EFEMP1: variants seen among roughly 807,000 people sequenced by gnomAD.
EFEMP1 encodes EGF-containing fibulin-like extracellular matrix protein 1.
Under a neutral mutation model 65.7 loss-of-function variants are expected in EFEMP1, and 18 were observed. That is an observed-to-expected ratio of 0.27 (90% CI 0.19 to 0.41). EFEMP1 has a LOEUF of 0.41. EFEMP1 is among the 10% of genes least tolerant of loss of function. EFEMP1 has a pLI of 1.00. For synonymous variants in EFEMP1, 237 were observed against 219.7 expected (o/e 1.08, Z -0.70); for missense variants, 469 against 624.8 (o/e 0.75, Z 2.66).
rs977875822 is a variant in EFEMP1 at position 55,920,337 on chromosome 2, T to C, written c.81+2023A>G. On this transcript the variant is annotated intron_variant, in intron 3 of 11. Transcript: ENST00000355426. The stretch of plus-strand genomic sequence containing the variant: ...ATAATCTGTATAATAGTATCATTTG[T>C]CCTTGCTTAGGAACTTTGTAGTTTT... Among the ~76,000 whole-genome samples the C allele has an allele frequency of 5.3e-5, 8 of 152,268 alleles. No individual in the cohort carries two copies. The East Asian group carries it at 7.7e-4, about 15-fold the overall frequency.
chr2:55,872,395 T>C (rs1668844293), intron 9 of EFEMP1, among the ~76,000 whole-genome samples: 1 of 152,142 alleles, frequency 6.6e-6, no homozygotes, highest in African/African-American at 2.4e-5. Flanking sequence ...TCTATTAGCT[T>C]GTAAACTCCT....
intron 5 of EFEMP1, among the ~76,000 whole-genome samples, chr2:55,915,398 C>T (rs55738646): frequency 0.013 from 1,998 of 152,232 alleles, 42 homozygotes; most frequent in African/African-American, 0.045. Context: ...CTATGTGAAA[C>T]GTAACTTACT....
At position 55,917,761 on chromosome 2, in the gene EFEMP1, G is replaced by T. The variant is rs1469975581; in HGVS notation, c.421C>A (p.Arg141=). The change falls in exon 5 of 12, where the codon CGG becomes AGG. Residue 141 remains arginine, a synonymous_variant. Coordinates refer to ENST00000355426, the MANE Select transcript of EFEMP1 (RefSeq NM_001039348.3). This position sits in a 1 kb window ranked among gnomAD's most constrained non-coding sequence, Gnocchi z 6.3. ...QTGRNNFVIR[R]NPADPQRIPS... ...ATGCGCTGAGGGTCAGCTGGGTTCC[G>T]CCGGATGACAAAGTTATTTCGGCCA... 6.2e-7 allele frequency: 1 copy of T among 1,614,036 alleles called. No individual in the cohort carries two copies. The highest frequency in any genetic ancestry group is 8.5e-7 in the Non-Finnish European group (1 of 1,180,020).
chr2:55,900,893 C>A (rs1670007189), intron 5 of EFEMP1, among the ~76,000 whole-genome samples: 1 of 152,174 alleles, frequency 6.6e-6, no homozygotes, highest in African/African-American at 2.4e-5. Flanking sequence ...AAGCCACTAT[C>A]CTGCCTCTTA....
chr2:55,910,734 T>C (rs1670451464), intron 5 of EFEMP1, among the ~76,000 whole-genome samples: 1 of 152,206 alleles, frequency 6.6e-6, no homozygotes, highest in Non-Finnish European at 1.5e-5. Context: ...GGGAAGTAAA[T>C]TTCTTATAAA....
At chr2:55,887,441 G>A (rs1041640426) in intron 5 of EFEMP1, among the ~76,000 whole-genome samples, 4 of 152,050 alleles carry the variant, frequency 2.6e-5, no homozygotes, top group African/African-American at 2.4e-5. Context: ...TCCCTCCCCA[G>A]TTTTTAGCCA....
chr2:55,872,118 A>G (rs1190408841), intron 9 of EFEMP1, among the ~76,000 whole-genome samples: 3 of 152,142 alleles, frequency 2.0e-5, no homozygotes, highest in Admixed American at 6.6e-5. Flanking sequence ...CTACATCTCT[A>G]TGTCTGTCTC....
chr2:55,910,310 A>C (rs1670435284), intron 5 of EFEMP1, among the ~76,000 whole-genome samples: 1 of 152,146 alleles, frequency 6.6e-6, no homozygotes, highest in African/African-American at 2.4e-5. Flanking sequence ...TTTGAAATGC[A>C]GTTTTCTTGA....
At chr2:55,891,924 C>G (rs1669640581) in intron 5 of EFEMP1, among the ~76,000 whole-genome samples, 1 of 152,018 alleles carries the variant, frequency 6.6e-6, no homozygotes, top group Admixed American at 6.6e-5. Context: ...CCAAGTTATC[C>G]ATAAATTATC....
intron 5 of EFEMP1, among the ~76,000 whole-genome samples, chr2:55,901,722 A>G (rs13406763): frequency 0.018 from 2,737 of 152,308 alleles, 84 homozygotes; most frequent in African/African-American, 0.062. Context: ...ATGGCTCTCA[A>G]TGATGCCAAC....
chr2:55,918,288 G>A (rs888858144), intron 3 of EFEMP1, 21 bp from the exon 4 acceptor site: 5 of 1,614,128 alleles, frequency 3.1e-6, no homozygotes, highest in East Asian at 4.5e-5. Context: ...AACATCAAAG[G>A]TGGGGCCAGG....
chr2:55,892,869 T>TA (rs1425093301), intron 5 of EFEMP1, among the ~76,000 whole-genome samples: 1 of 152,150 alleles, frequency 6.6e-6, no homozygotes, highest in African/African-American at 2.4e-5. Context: ...TTAGATCTGT[T>TA]ATATATACTT....
At position 55,922,893 on chromosome 2, in the gene EFEMP1, A is replaced by C; in HGVS notation, c.-8+6T>G. The C allele has an allele frequency of 1.8e-6, 2 of 1,114,612 alleles. No individual in the cohort carries two copies. The allele number at this position is 1,114,612 out of a possible 1,614,324, so 69.0% of individuals were successfully genotyped here. A position where few individuals can be genotyped will look rare whatever the true frequency, so the allele number is the denominator to read the frequency against. On this transcript the variant is annotated splice_donor_region_variant and intron_variant, in intron 2 of 11. Transcript: ENST00000355426. This position sits in a 1 kb window ranked among gnomAD's most constrained non-coding sequence, Gnocchi z 5.5. ...TAGAACGTTAAGGCTTTCCCAGTATACTCACCTTGAGCTAGCAGAGTTCCT... is the reference window on the plus strand; with the variant it reads ...TAGAACGTTAAGGCTTTCCCAGTATCCTCACCTTGAGCTAGCAGAGTTCCT...
intron 5 of EFEMP1, among the ~76,000 whole-genome samples, chr2:55,902,988 A>G (rs1670101436): frequency 6.6e-6 from 1 of 152,192 alleles, no homozygotes; most frequent in African/African-American, 2.4e-5. Context: ...TTTGTAAATA[A>G]TTTCAAGTAA....
In EFEMP1 at chr2:55,870,899, C is replaced by T. The variant is rs1419723426; in HGVS notation, c.1141G>A (p.Val381Ile). 6.8e-6 allele frequency: 11 copies of T among 1,613,746 alleles called. No individual in the cohort carries two copies. Among genetic ancestry groups the T allele is most frequent in the Admixed American group, 1.7e-5 (1 of 59,890 alleles). Residue 381 changes from valine (V) to isoleucine (I), a missense_variant, in exon 11 of 12, where the codon GTC (valine) becomes ATC (isoleucine). Physicochemically the swap from Val to Ile is conservative, Grantham distance 29. Transcript: ENST00000355426. This position sits in a 1 kb window ranked among gnomAD's most constrained non-coding sequence, Gnocchi z 5.8. ...LTPENRCVCP[V>I]SNAMCRELPQ... is the part of the protein sequence containing the mutation. ...AGTTCTCGGCACATGGCATTTGAGACTGGGCAAACACATCGGCTGCAGAGA... is the reference window on the plus strand; with the variant it reads ...AGTTCTCGGCACATGGCATTTGAGATTGGGCAAACACATCGGCTGCAGAGA...
At position 55,922,823 on chromosome 2, in the gene EFEMP1, C is replaced by T; in HGVS notation, c.-8+76G>A. ...GACGGTGCATTTCCTGCCCCCCAGT[C>T]CCACACCCCGGGGGATGGAGGTGGG... On this transcript the variant is annotated intron_variant, in intron 2 of 11. Transcript: ENST00000355426. The surrounding 1 kb of genome is among the most constrained non-coding windows in gnomAD (Gnocchi z 5.5). 9.1e-6 allele frequency: 10 copies of T among 1,104,432 alleles called. No homozygotes were observed. The highest frequency in any genetic ancestry group is 1.1e-5 in the Non-Finnish European group (10 of 872,362). 68.4% of individuals were successfully genotyped at this position (1,104,432 alleles called of 1,614,324 possible). A position where few individuals can be genotyped will look rare whatever the true frequency, so the allele number is the denominator to read the frequency against.
chr2:55,872,518 A>C (rs1396689023), intron 9 of EFEMP1, among the ~76,000 whole-genome samples: 1 of 152,136 alleles, frequency 6.6e-6, no homozygotes, highest in African/African-American at 2.4e-5. Flanking sequence ...CTCTTCACAC[A>C]AACTGTGTGG....
chr2:55,923,572 C>T lies in EFEMP1; in HGVS notation c.-49+139G>A. 1 of 983,494 alleles carries T rather than the reference C, an allele frequency of 1.0e-6. No homozygotes were observed. Among genetic ancestry groups the T allele is most frequent in the Non-Finnish European group, 1.2e-6 (1 of 828,068 alleles). 60.9% of individuals were successfully genotyped at this position (983,494 alleles called of 1,614,324 possible). ...CGAGGCTGCACACCTCCACCTCCCT[C>T]TCTGCCCGAGACACCCTGCACAGTC... On this transcript the variant is annotated intron_variant, in intron 1 of 11. Transcript: ENST00000355426. The surrounding 1 kb of genome is among the most constrained non-coding windows in gnomAD (Gnocchi z 5.3).
At chr2:55,916,294 G>C (rs942328563) in intron 5 of EFEMP1, among the ~76,000 whole-genome samples, 29 of 152,062 alleles carry the variant, frequency 1.9e-4, no homozygotes, top group African/African-American at 7.0e-4. Context: ...ATTTTTAGTA[G>C]AGATGGGGTT....
Sources: allele counts gnomAD v4.1 joint callset (sites outside exome capture counted in the v4.1 genomes callset), GRCh38; gene constraint gnomAD v4.1.1; non-coding constraint Gnocchi (gnomAD v3.1); transcripts MANE v1.5; gene names NCBI Gene and HGNC (gene_info 2026-07-23, HGNC 2026-07-21).